DCT: variants seen among roughly 807,000 people sequenced by gnomAD.
DCT encodes the protein L-dopachrome tautomerase.
In DCT, 47 loss-of-function variants were observed where a neutral mutation model predicts 53.0. The ratio of observed to expected loss-of-function variants is 0.89; its 90% CI spans 0.70 to 1.13. DCT has a LOEUF of 1.13. Ranked by LOEUF, DCT falls within the 50% of genes most tolerant of loss-of-function variation. The pLI is 0.00. For synonymous variants in DCT, 244 were observed against 237.0 expected, an observed-to-expected ratio of 1.03 and a Z score of -0.27; for missense variants, 669 against 637.4, an observed-to-expected ratio of 1.05 and a Z score of -0.53.
At chr13:94,543,615 C>G in the DCT span, among the ~76,000 whole-genome samples, 1 of 152,144 alleles carries the variant, frequency 6.6e-6, no homozygotes, top group African/African-American at 2.4e-5. Context: ...AAATAGTAAT[C>G]AAATTACCCT....
chr13:94,443,089 T>C (rs1453910599), intron 7 of DCT, among the ~76,000 whole-genome samples: 1 of 152,184 alleles, frequency 6.6e-6, no homozygotes, highest in East Asian at 1.9e-4. Context: ...TTTATTTCAT[T>C]GGTTAGAAAT....
chr13:94,482,454 T>G (rs1394862019), upstream of DCT, among the ~76,000 whole-genome samples: 1 of 152,208 alleles, frequency 6.6e-6, no homozygotes, highest in South Asian at 2.1e-4. Context: ...CCTTCCATGA[T>G]ATTTTAACAC....
At chr13:94,484,324 C>T (rs1246000027), upstream of DCT, among the ~76,000 whole-genome samples, 1 of 152,082 alleles carries the variant, frequency 6.6e-6, no homozygotes, top group Admixed American at 6.6e-5. Context: ...GAGGATGGCC[C>T]CTTTAGGGAG....
At chr13:94,504,184 C>T in the DCT span, among the ~76,000 whole-genome samples, 1 of 152,174 alleles carries the variant, frequency 6.6e-6, no homozygotes, top group African/African-American at 2.4e-5. Context: ...TAATCTTCAG[C>T]TAAAATCATC....
chr13:94,531,869 G>C, the DCT span, among the ~76,000 whole-genome samples: 1 of 152,088 alleles, frequency 6.6e-6, no homozygotes, highest in Non-Finnish European at 1.5e-5. Flanking sequence ...CAGAATGGGA[G>C]AAAATCTTTG....
upstream of DCT, among the ~76,000 whole-genome samples, chr13:94,482,444 C>G (rs936332859): frequency 2.6e-5 from 4 of 152,170 alleles, no homozygotes; most frequent in Non-Finnish European, 4.4e-5. Context: ...CTCAGAGAGG[C>G]CTTCCATGAT....
chr13:94,483,434 C>T (rs554647940), upstream of DCT, among the ~76,000 whole-genome samples: 154 of 128,300 alleles, frequency 1.2e-3, no homozygotes, highest in Non-Finnish European at 1.6e-3. Flanking sequence ...TTCCCACAGG[C>T]GTTTCTCCCT....
At chr13:94,496,348 C>T in the DCT span, among the ~76,000 whole-genome samples, 1 of 152,072 alleles carries the variant, frequency 6.6e-6, no homozygotes, top group Non-Finnish European at 1.5e-5. Flanking sequence ...CACACACCAC[C>T]ACACCCGGCT....
At position 94,479,129 on chromosome 13, in the gene DCT, G is replaced by T; in HGVS notation, c.127C>A (p.Arg43Ser). The change falls in exon 1 of 8, where the codon CGC (arginine) becomes AGC (serine). Residue 43 changes from arginine to serine, a missense_variant. Physicochemically the swap from Arg to Ser is moderately radical, Grantham distance 110. Transcript: ENST00000377028. Reference protein sequence around the residue: ...DSLVNKECCPRLGAESANVCG... With the variant: ...DSLVNKECCPSLGAESANVCG... ...ACATTGGCCGACTCTGCACCCAGGC[G>T]TGGGCAGCACTCCTTGTTCACTAGG... The T allele has an allele frequency of 6.2e-7, 1 of 1,614,194 alleles. No homozygotes were observed. The highest frequency in any genetic ancestry group is 8.5e-7 in the Non-Finnish European group (1 of 1,180,024).
the DCT span, among the ~76,000 whole-genome samples, chr13:94,526,366 GGATATTCCGA>G: frequency 6.6e-6 from 1 of 152,152 alleles, no homozygotes; most frequent in Non-Finnish European, 1.5e-5. Context: ...TGAGTAACAC[GGATATTCCGA>G]GATATTAAAA....
At chr13:94,526,422 G>T in the DCT span, among the ~76,000 whole-genome samples, 5 of 152,076 alleles carry the variant, frequency 3.3e-5, no homozygotes, top group Admixed American at 3.3e-4. Flanking sequence ...GATCGCTTGA[G>T]CCTGGAGTTC....
intron 6 of DCT, among the ~76,000 whole-genome samples, chr13:94,446,942 G>C (rs534381664): frequency 1.3e-5 from 2 of 151,992 alleles, no homozygotes; most frequent in African/African-American, 2.4e-5. Context: ...AACTATATCT[G>C]CAGCTATCCT....
intron 2 of DCT, 27 bp downstream of exon 2, chr13:94,468,719 A>G (rs770254624): frequency 1.3e-6 from 2 of 1,597,328 alleles, no homozygotes; most frequent in Non-Finnish European, 1.7e-6. Context: ...CTGTAATAAT[A>G]TACCTTCAGC....
intron 2 of DCT, chr13:94,468,523 C>T (rs761713960): frequency 3.9e-4 from 193 of 491,192 alleles, no homozygotes; most frequent in Non-Finnish European, 6.3e-4. Context: ...CAAGAACATA[C>T]GGTAGAGGAG....
chr13:94,546,663 TAC>T, the DCT span, among the ~76,000 whole-genome samples: 1 of 152,058 alleles, frequency 6.6e-6, no homozygotes, highest in Non-Finnish European at 1.5e-5. This position sits in a 1 kb window ranked among gnomAD's most constrained non-coding sequence, Gnocchi z 4.2. Context: ...AAGTGGTTGT[TAC>T]ACTGTTTCCC....
chr13:94,497,149 C>T, the DCT span, among the ~76,000 whole-genome samples: 1 of 152,160 alleles, frequency 6.6e-6, no homozygotes, highest in Non-Finnish European at 1.5e-5. Context: ...GTAAAGCAGA[C>T]TGCTCTTCAT....
chr13:94,508,998 G>A, the DCT span, among the ~76,000 whole-genome samples: 3 of 152,180 alleles, frequency 2.0e-5, no homozygotes, highest in African/African-American at 7.2e-5. Context: ...ACTACTGAGA[G>A]AGGTCAGTTT....
intron 6 of DCT, 22 bp downstream of exon 6, chr13:94,460,069 C>A: frequency 1.2e-6 from 2 of 1,606,826 alleles, no homozygotes; most frequent in South Asian, 1.1e-5. Flanking sequence ...AATTTTCATG[C>A]ATTCTGAATC....
chr13:94,440,170 T>C lies in DCT; in HGVS notation c.1382-94A>G. 3.0e-6 allele frequency: 3 copies of C among 991,070 alleles called. No homozygotes were observed. The South Asian group carries it at 5.0e-5, about 17-fold the overall frequency. 61.4% of individuals were successfully genotyped at this position (991,070 alleles called of 1,614,324 possible). On this transcript the variant is annotated intron_variant, in intron 7 of 7. Transcript: ENST00000377028. Reference sequence around the variant, plus strand: ...GCAAGCGCACTTGCCTTTCACGTGCTTTTTGTTGATAAAGCAAAACTACTC... The same window carrying C: ...GCAAGCGCACTTGCCTTTCACGTGCCTTTTGTTGATAAAGCAAAACTACTC...
Sources: allele counts gnomAD v4.1 joint callset (sites outside exome capture counted in the v4.1 genomes callset), GRCh38; gene constraint gnomAD v4.1.1; non-coding constraint Gnocchi (gnomAD v3.1); transcripts MANE v1.5; gene names NCBI Gene and HGNC (gene_info 2026-07-23, HGNC 2026-07-21).